Variants in GALNT14 observed in about 807,000 individuals in gnomAD.
GALNT14 encodes the protein polypeptide N-acetylgalactosaminyltransferase 14.
GALNT14 carries 60 observed loss-of-function variants against 77.5 expected under a neutral mutation model. That is an observed-to-expected ratio of 0.77 (90% CI 0.63 to 0.96). The LOEUF is 0.96. Ranked by LOEUF, GALNT14 falls within the 40% of genes least tolerant of loss-of-function variation. The probability of loss-of-function intolerance (pLI) is 0.00; values close to 1 mark genes in which losing one functional copy is unlikely to be tolerated. For synonymous variants in GALNT14, 280 were observed against 281.7 expected, an observed-to-expected ratio of 0.99 and a Z score of 0.06; for missense variants, 710 against 731.0, an observed-to-expected ratio of 0.97 and a Z score of 0.33.
chr2:31,106,403 G>T (rs1233638208), intron 1 of GALNT14, among the ~76,000 whole-genome samples: 1 of 151,928 alleles, frequency 6.6e-6, no homozygotes, highest in Non-Finnish European at 1.5e-5. Context: ...CTTTATTAAT[G>T]CTTCCCTTAT....
chr2:30,945,985 A>G lies in GALNT14; in HGVS notation c.655-115T>C. 5.2e-6 allele frequency: 4 copies of G among 767,738 alleles called. No homozygotes were observed. The South Asian group carries it at 6.2e-5, about 12-fold the overall frequency. The allele number at this position is 767,738 out of a possible 1,614,324, so 47.6% of individuals were successfully genotyped here. On this transcript the variant is annotated intron_variant, in intron 6 of 14. Transcript: ENST00000349752. ...GAGATGAGTTTTGTGGCCTTCATAG[A>G]GCCCTTTCATCTCTGGATCTTAATT...
chr2:31,031,645 C>A (rs1427693384), intron 1 of GALNT14, among the ~76,000 whole-genome samples: 1 of 152,188 alleles, frequency 6.6e-6, no homozygotes, highest in Non-Finnish European at 1.5e-5. Context: ...CTTGTTGACA[C>A]ATTCACAACA....
intron 1 of GALNT14, among the ~76,000 whole-genome samples, chr2:31,010,003 T>C (rs1670917892): frequency 6.6e-6 from 1 of 152,234 alleles, no homozygotes; most frequent in African/African-American, 2.4e-5. Context: ...TGTTTCGTTT[T>C]TAGACATAGT....
At chr2:30,908,598 A>T (rs1235422900), downstream of GALNT14, among the ~76,000 whole-genome samples, 5 of 141,184 alleles carry the variant, frequency 3.5e-5, no homozygotes, top group African/African-American at 1.1e-4. Context: ...GCTCATGGGT[A>T]GGAAGAATCA....
intron 1 of GALNT14, among the ~76,000 whole-genome samples, chr2:31,012,305 T>C (rs1017574133): frequency 6.6e-6 from 1 of 152,168 alleles, no homozygotes; most frequent in Non-Finnish European, 1.5e-5. Context: ...TCCATTAAAC[T>C]GCCACCACCA....
intron 1 of GALNT14, among the ~76,000 whole-genome samples, chr2:31,112,389 T>C (rs1191553245): frequency 6.6e-6 from 1 of 152,232 alleles, no homozygotes; most frequent in African/African-American, 2.4e-5. Flanking sequence ...CAGAATCTCA[T>C]TCCTCATGGT....
chr2:30,889,759 T>C, the GALNT14 span, among the ~76,000 whole-genome samples: 2 of 152,196 alleles, frequency 1.3e-5, no homozygotes, highest in African/African-American at 4.8e-5. Flanking sequence ...TTTTCATGTA[T>C]TGTATACTTA....
At chr2:30,994,279 T>C (rs543930185) in intron 1 of GALNT14, among the ~76,000 whole-genome samples, 3 of 152,286 alleles carry the variant, frequency 2.0e-5, no homozygotes, top group Admixed American at 6.5e-5. Flanking sequence ...AGCTGAGAGC[T>C]GCCCATCCCA....
intron 1 of GALNT14, among the ~76,000 whole-genome samples, chr2:31,100,507 T>A (rs573380169): frequency 6.6e-6 from 1 of 152,178 alleles, no homozygotes; most frequent in South Asian, 2.1e-4. Flanking sequence ...AGCATCTTCA[T>A]ACAGCAACAA....
chr2:31,075,180 G>A (rs539878239), intron 1 of GALNT14, among the ~76,000 whole-genome samples: 3 of 152,346 alleles, frequency 2.0e-5, no homozygotes, highest in African/African-American at 4.8e-5. Context: ...AACAGAGCAC[G>A]TGAGATGCCT....
At chr2:30,952,315 G>A (rs1667075455) in intron 6 of GALNT14, among the ~76,000 whole-genome samples, 1 of 151,992 alleles carries the variant, frequency 6.6e-6, no homozygotes. Context: ...GCACACGTAT[G>A]TTTATTGCGG....
intron 3 of GALNT14, among the ~76,000 whole-genome samples, chr2:30,961,360 A>C (rs1367945029): frequency 1.3e-5 from 2 of 152,180 alleles, no homozygotes; most frequent in Non-Finnish European, 2.9e-5. Flanking sequence ...CTGACAGTTG[A>C]GTTTAGTCAT....
intron 1 of GALNT14, chr2:31,125,196 C>G: frequency 6.4e-7 from 1 of 1,550,590 alleles, no homozygotes; most frequent in East Asian, 2.4e-5. Context: ...GTGGGTGATA[C>G]AGGCACCTGA....
At chr2:31,115,195 G>A (rs1312735945) in intron 1 of GALNT14, among the ~76,000 whole-genome samples, 1 of 151,908 alleles carries the variant, frequency 6.6e-6, no homozygotes, top group Admixed American at 6.6e-5. Context: ...AGGTTGCAAC[G>A]AGCTATCACC....
chr2:30,904,952 C>A, the GALNT14 span, among the ~76,000 whole-genome samples: 1 of 152,004 alleles, frequency 6.6e-6, no homozygotes, highest in African/African-American at 2.4e-5. Flanking sequence ...CAGGGGCACA[C>A]TGACACCTCA....
chr2:30,983,087 G>C (rs184940295), intron 2 of GALNT14, among the ~76,000 whole-genome samples: 184 of 152,262 alleles, frequency 1.2e-3, no homozygotes, highest in African/African-American at 4.3e-3. Context: ...AGAGGCGAGA[G>C]AACTGATACC....
In GALNT14 at chr2:30,910,848, T is replaced by G; in HGVS notation, c.*53A>C. 1 of 1,592,450 alleles carries G rather than the reference T, an allele frequency of 6.3e-7. No individual in the cohort carries two copies. Among genetic ancestry groups the G allele is most frequent in the Non-Finnish European group, 8.6e-7 (1 of 1,168,786 alleles). The stretch of plus-strand genomic sequence containing the variant: ...GCTTGCTGCCCAGTTTCCAGTCTGT[T>G]CTGGTCCAGGGAAGCACCACCCCAT... On this transcript the variant is annotated 3_prime_UTR_variant, in exon 15 of 15. Coordinates refer to ENST00000349752, the MANE Select transcript of GALNT14 (RefSeq NM_024572.4).
At chr2:31,055,655 A>G (rs1674164458) in intron 1 of GALNT14, among the ~76,000 whole-genome samples, 1 of 152,158 alleles carries the variant, frequency 6.6e-6, no homozygotes, top group Non-Finnish European at 1.5e-5. Context: ...CTGAAAGGAG[A>G]GAGGATCCCC....
At chr2:30,927,017 A>G (rs1243808168) in intron 11 of GALNT14, among the ~76,000 whole-genome samples, 1 of 151,724 alleles carries the variant, frequency 6.6e-6, no homozygotes, top group Non-Finnish European at 1.5e-5. Context: ...TTTTTTTCTT[A>G]AGATGTAAGA....
Sources: gnomAD v4.1 joint callset for allele counts (sites outside exome capture counted in the v4.1 genomes callset) on GRCh38, gnomAD v4.1.1 for gene constraint, MANE v1.5 for transcripts, NCBI Gene and HGNC (gene_info 2026-07-23, HGNC 2026-07-21) for gene names.